Variants in SCN9A observed in about 807,000 individuals in gnomAD.
SCN9A encodes the protein sodium voltage-gated channel alpha subunit 9.
Under a neutral mutation model 187.0 loss-of-function variants are expected in SCN9A, and 131 were observed. The observed-to-expected ratio is 0.70, with a 90% confidence interval of 0.61 to 0.81. SCN9A has a LOEUF of 0.81. SCN9A is among the 30% of genes least tolerant of loss of function. The pLI, the probability that SCN9A is intolerant of heterozygous loss-of-function variation, is 0.00. For synonymous variants in SCN9A, 809 were observed against 808.6 expected, an observed-to-expected ratio of 1.00 and a Z score of -0.01; for missense variants, 2,252 against 2,396.6, an observed-to-expected ratio of 0.94 and a Z score of 1.26.
chr2:166,372,759 G>A (rs546362979), intron 1 of SCN9A, among the ~76,000 whole-genome samples: 1 of 152,082 alleles, frequency 6.6e-6, no homozygotes, highest in South Asian at 2.1e-4. Flanking sequence ...GGGTTAATAT[G>A]CTTTATTCTG....
chr2:166,303,317 A>G lies in SCN9A; in HGVS notation c.689-15T>C. ...TGTCTTCAGGCCTGAAAATGGGAGA[A>G]AAAAGTGTTTGTAATGACATAAAGC... On this transcript the variant is annotated splice_polypyrimidine_tract_variant and intron_variant, in intron 6 of 26. Coordinates refer to ENST00000642356, the MANE Select transcript of SCN9A (RefSeq NM_001365536.1). 6.2e-7 allele frequency: 1 copy of G among 1,604,596 alleles called. No individual in the cohort carries two copies. Among genetic ancestry groups the G allele is most frequent in the Non-Finnish European group, 8.5e-7 (1 of 1,174,886 alleles).
intron 7 of SCN9A, among the ~76,000 whole-genome samples, chr2:166,300,078 C>A (rs968114663): frequency 3.3e-5 from 5 of 150,884 alleles, no homozygotes; most frequent in Admixed American, 6.6e-5. Flanking sequence ...CTTCAACTTA[C>A]CTTTCTTATT....
chr2:166,315,970 G>GA (rs1274516241), intron 1 of SCN9A, among the ~76,000 whole-genome samples: 1 of 152,158 alleles, frequency 6.6e-6, no homozygotes, highest in Non-Finnish European at 1.5e-5. Flanking sequence ...TAATAAAAGT[G>GA]AAAATGAATA....
intron 1 of SCN9A, among the ~76,000 whole-genome samples, chr2:166,367,235 T>A (rs538526606): frequency 6.6e-5 from 10 of 152,300 alleles, no homozygotes; most frequent in African/African-American, 2.4e-4. Context: ...TTCTTCTCCA[T>A]TTCAGAATAA....
chr2:166,266,485 CAGTT>C (rs1171081059), intron 17 of SCN9A, among the ~76,000 whole-genome samples: 2 of 151,074 alleles, frequency 1.3e-5, no homozygotes, highest in Admixed American at 6.6e-5. Flanking sequence ...GTTTTGAAGT[CAGTT>C]AGTGTGAAGC....
At chr2:166,372,796 T>C (rs1700595552) in intron 1 of SCN9A, among the ~76,000 whole-genome samples, 1 of 152,192 alleles carries the variant, frequency 6.6e-6, no homozygotes, top group African/African-American at 2.4e-5. Flanking sequence ...TGTATTTTAT[T>C]ATTTATATAA....
At chr2:166,329,249 A>G (rs535499788) in intron 1 of SCN9A, among the ~76,000 whole-genome samples, 1 of 152,238 alleles carries the variant, frequency 6.6e-6, no homozygotes, top group African/African-American at 2.4e-5. Flanking sequence ...AAAATGCCTA[A>G]ATATTATCGG....
intron 7 of SCN9A, among the ~76,000 whole-genome samples, chr2:166,297,688 T>C (rs1698377800): frequency 6.6e-6 from 1 of 151,724 alleles, no homozygotes; most frequent in African/African-American, 2.4e-5. Flanking sequence ...AATTAGATAG[T>C]GGCGATCGTT....
At chr2:166,278,340 G>C (rs1282480960) in intron 14 of SCN9A, 27 bp from the exon 15 acceptor site, 2 of 1,511,266 alleles carry the variant, frequency 1.3e-6, no homozygotes, top group Admixed American at 2.1e-5. Flanking sequence ...ATGTTTTTCT[G>C]TTAATATTAG....
intron 18 of SCN9A, among the ~76,000 whole-genome samples, chr2:166,247,153 C>G (rs1469441385): frequency 2.0e-5 from 1 of 48,826 alleles, no homozygotes; most frequent in Non-Finnish European, 3.5e-5. Flanking sequence ...TAAACCAAAG[C>G]TCTCAAAAAA....
chr2:166,252,288 G>A (rs1696080537), intron 17 of SCN9A, among the ~76,000 whole-genome samples: 1 of 151,902 alleles, frequency 6.6e-6, no homozygotes, highest in Non-Finnish European at 1.5e-5. Flanking sequence ...TATAATACAA[G>A]TGTCAAATTA....
rs1439744324 is a variant in SCN9A at position 166,272,737 on chromosome 2, T to G, written c.3013A>C (p.Thr1005Pro). 1 of 1,576,150 alleles carries G rather than the reference T, an allele frequency of 6.3e-7. No homozygotes were observed. Among genetic ancestry groups the G allele is most frequent in the Admixed American group, 1.9e-5 (1 of 53,642 alleles). The part of the protein sequence containing the change: ...IKKGINYVKQ[T>P]LREFILKAFS... ...GCTTTTAGAATAAATTCACGTAAGGTTTGTTTCACATAATTTATTCCCTTT... is the reference window on the plus strand; with the variant it reads ...GCTTTTAGAATAAATTCACGTAAGGGTTGTTTCACATAATTTATTCCCTTT... The change falls in exon 17 of 27, where the codon ACC (threonine) becomes CCC (proline). Residue 1005 changes from threonine (T) to proline (P), a missense_variant. By Grantham distance (38) the Thr-to-Pro change is conservative. Transcript: ENST00000642356.
chr2:166,347,091 A>G (rs893794900), intron 1 of SCN9A, among the ~76,000 whole-genome samples: 1 of 152,212 alleles, frequency 6.6e-6, no homozygotes, highest in African/African-American at 2.4e-5. Context: ...TTTAGTTATT[A>G]CAGTGATGCT....
intron 24 of SCN9A, among the ~76,000 whole-genome samples, chr2:166,217,317 G>T (rs1434912957): frequency 6.6e-6 from 1 of 151,992 alleles, no homozygotes; most frequent in African/African-American, 2.4e-5. Flanking sequence ...TCTTGGCTAG[G>T]ACTCTAAAAG....
chr2:166,286,036 T>C (rs1394095564), intron 11 of SCN9A, among the ~76,000 whole-genome samples: 2 of 152,210 alleles, frequency 1.3e-5, no homozygotes, highest in Admixed American at 6.5e-5. Flanking sequence ...AAAGTTATTC[T>C]ATAGTGTGAA....
intron 24 of SCN9A, among the ~76,000 whole-genome samples, chr2:166,221,865 T>C (rs980696169): frequency 6.6e-6 from 1 of 151,870 alleles, no homozygotes; most frequent in African/African-American, 2.4e-5. Flanking sequence ...GAATACACAA[T>C]AGAAAAGAGG....
rs1558960847 is a variant in SCN9A, at chr2:166,222,947, A to C, written c.4398+3620T>G. Reference sequence around the variant, plus strand: ...CTCCGTCTCAAAAAAAAAAACAACAAAAAAAAAAAAAAAAAAAAAAAAAAA... The same window carrying C: ...CTCCGTCTCAAAAAAAAAAACAACACAAAAAAAAAAAAAAAAAAAAAAAAA... On this transcript the variant is annotated intron_variant, in intron 24 of 26. Coordinates refer to ENST00000642356, the MANE Select transcript of SCN9A (RefSeq NM_001365536.1). Among the ~76,000 whole-genome samples, 120 of 49,716 alleles carry C rather than the reference A, an allele frequency of 2.4e-3. 6 individuals carry two copies. Among genetic ancestry groups the C allele is most frequent in the African/African-American group, 0.011 (102 of 9,162 alleles). The allele number at this position is 49,716 out of a possible 152,430, so 32.6% of individuals were successfully genotyped here. A position where few individuals can be genotyped will look rare whatever the true frequency, so the allele number is the denominator to read the frequency against.
Position 166,199,115 on chromosome 2 carries a change from A to AGAT in SCN9A, c.5521_5523dup (p.Ile1841dup). ...AAAACACGCTTTGTAAAAGCAAATA[A>AGAT]GATGTCAAGACAATGGATCCGGTCA... On this transcript the variant is annotated inframe_insertion, in exon 27 of 27. Transcript: ENST00000642356. The AGAT allele has an allele frequency of 6.2e-7, 1 of 1,614,192 alleles. No individual in the cohort carries two copies.
At chr2:166,290,456 T>C (rs1418435562) in intron 9 of SCN9A, among the ~76,000 whole-genome samples, 1 of 152,204 alleles carries the variant, frequency 6.6e-6, no homozygotes, top group Non-Finnish European at 1.5e-5. Context: ...CTAGGTCAAA[T>C]GGTATTTCTG....
Sources: allele counts gnomAD v4.1 joint callset (sites outside exome capture counted in the v4.1 genomes callset), GRCh38; gene constraint gnomAD v4.1.1; transcripts MANE v1.5; gene names NCBI Gene and HGNC (gene_info 2026-07-23, HGNC 2026-07-21).